Variants in CCDC7 observed in about 807,000 individuals in gnomAD.
The protein encoded by CCDC7 is coiled-coil domain containing 7.
In CCDC7, 183 loss-of-function variants were observed where a neutral mutation model predicts 196.9. That is an observed-to-expected ratio of 0.93 (90% CI 0.82 to 1.05). The LOEUF (loss-of-function observed/expected upper bound fraction) is 1.05, where lower values mean the gene tolerates loss of function less well. Among genes scored for constraint, CCDC7 ranks in the 50% least tolerant of loss-of-function variants. The probability of loss-of-function intolerance (pLI) is 0.00; values close to 1 mark genes in which losing one functional copy is unlikely to be tolerated. For synonymous variants in CCDC7, 525 were observed against 484.6 expected (o/e 1.08, Z -1.10); for missense variants, 1,540 against 1,482.2 (o/e 1.04, Z -0.64).
At chr10:32,622,479 GATAGTAAAGATGTACT>G (rs2063522936) in intron 18 of CCDC7, among the ~76,000 whole-genome samples, 1 of 151,952 alleles carries the variant, frequency 6.6e-6, no homozygotes, top group Non-Finnish European at 1.5e-5. Flanking sequence ...TAACTGCAGT[GATAGTAAAGATGTACT>G]ATGGGGGTGG....
intron 16 of CCDC7, among the ~76,000 whole-genome samples, chr10:32,572,828 C>T (rs2057728257): frequency 6.9e-6 from 1 of 145,296 alleles, no homozygotes; most frequent in South Asian, 2.2e-4. Flanking sequence ...ACTTATGTAT[C>T]ATGTAGAAAT....
intron 31 of CCDC7, among the ~76,000 whole-genome samples, chr10:32,816,399 C>T (rs2088556508): frequency 6.6e-6 from 1 of 152,184 alleles, no homozygotes; most frequent in Non-Finnish European, 1.5e-5. Flanking sequence ...CTGTAGACTC[C>T]ACCTCTGGGG....
At position 32,828,495 on chromosome 10, in the gene CCDC7, GA is replaced by G. The variant is rs56368651; in HGVS notation, c.3268+3893del. ...AGAGGAAGAGGAAGAGGAAGAAGAA[GA>G]AGAAGAAGAAGAAGAAGAAGAAGAA... On this transcript the variant is annotated intron_variant, in intron 32 of 41. Coordinates refer to ENST00000639629, the Ensembl canonical transcript of CCDC7. Among the ~76,000 whole-genome samples, 406 of 94,848 alleles carry G rather than the reference GA, an allele frequency of 4.3e-3. 10 individuals carry two copies. The highest frequency in any genetic ancestry group is 7.0e-3 in the Non-Finnish European group (321 of 45,874). The allele number at this position is 94,848 out of a possible 152,430, so 62.2% of individuals were successfully genotyped here. A position where few individuals can be genotyped will look rare whatever the true frequency, so the allele number is the denominator to read the frequency against.
intron 25 of CCDC7, among the ~76,000 whole-genome samples, chr10:32,716,756 T>C (rs1054228181): frequency 1.3e-5 from 2 of 152,136 alleles, no homozygotes; most frequent in Non-Finnish European, 2.9e-5. Context: ...TCCTAGTCTC[T>C]AATAAAACAG....
At chr10:32,704,075 G>T (rs554433164) in intron 24 of CCDC7, among the ~76,000 whole-genome samples, 1 of 152,088 alleles carries the variant, frequency 6.6e-6, no homozygotes, top group Non-Finnish European at 1.5e-5. Context: ...CGTTCCTTTG[G>T]AGGAGGAGAG....
At chr10:32,775,788 G>GAAATTTTGAAAATTATCATGCTGCTATA (rs879852278) in intron 28 of CCDC7, among the ~76,000 whole-genome samples, 151 of 152,164 alleles carry the variant, frequency 9.9e-4, no homozygotes, top group Middle Eastern at 3.4e-3. Context: ...CAAATATTTT[G>GAAATTTTGAAAATTATCATGCTGCTATA]AAATTTTGAA....
intron 21 of CCDC7, among the ~76,000 whole-genome samples, chr10:32,674,085 AT>A (rs1377539579): frequency 6.9e-5 from 10 of 145,892 alleles, no homozygotes; most frequent in South Asian, 2.2e-4. Flanking sequence ...TTTTTTCTAT[AT>A]TTTTTTCCTA....
chr10:32,741,679 G>T (rs2085877578), intron 28 of CCDC7, among the ~76,000 whole-genome samples: 1 of 151,954 alleles, frequency 6.6e-6, no homozygotes, highest in Non-Finnish European at 1.5e-5. Flanking sequence ...TGAAAAAAAT[G>T]TGTTAGTGAG....
At chr10:32,574,221 A>G (rs543116277) in intron 16 of CCDC7, among the ~76,000 whole-genome samples, 1 of 151,384 alleles carries the variant, frequency 6.6e-6, no homozygotes, top group South Asian at 2.1e-4. Context: ...ACTAAGGACA[A>G]TAATGGGAAA....
At chr10:32,641,444 C>T (rs909755663) in intron 20 of CCDC7, among the ~76,000 whole-genome samples, 6 of 152,186 alleles carry the variant, frequency 3.9e-5, no homozygotes, top group Non-Finnish European at 8.8e-5. Context: ...TTGATCGAAT[C>T]GGCTACTGAG....
In CCDC7 at chr10:32,678,943, G is replaced by A. The variant is rs552897059; in HGVS notation, c.2123-7027G>A. On this transcript the variant is annotated intron_variant, in intron 21 of 41. Transcript: ENST00000639629. The stretch of plus-strand genomic sequence containing the variant: ...AGTCTTCATTTTTGTGGAAGAAAGA[G>A]GGCTGGGCCTCCTATTCCATGATCT... Among the ~76,000 whole-genome samples the A allele has an allele frequency of 3.5e-4, 53 of 152,210 alleles. 2 individuals are homozygous for A. The South Asian group carries it at 0.011, about 31-fold the overall frequency.
intron 26 of CCDC7, 121 bp downstream of exon 27, chr10:32,726,953 C>T: frequency 3.2e-6 from 2 of 616,600 alleles, no homozygotes; most frequent in Non-Finnish European, 5.3e-6. Flanking sequence ...GTAGACTTTG[C>T]CCTGAAGTCT....
intron 18 of CCDC7, among the ~76,000 whole-genome samples, chr10:32,599,437 A>G (rs2060762804): frequency 6.6e-6 from 1 of 152,132 alleles, no homozygotes; most frequent in Admixed American, 6.6e-5. Flanking sequence ...GTTAAGGGGA[A>G]CTTGCTTTTG....
chr10:32,681,882 A>G (rs2075908929), intron 21 of CCDC7, among the ~76,000 whole-genome samples: 1 of 151,914 alleles, frequency 6.6e-6, no homozygotes, highest in Non-Finnish European at 1.5e-5. Flanking sequence ...TCTCTTGGAC[A>G]CCTTAAATTC....
intron 11 of CCDC7, among the ~76,000 whole-genome samples, chr10:32,522,932 G>C (rs932757016): frequency 1.3e-5 from 2 of 151,962 alleles, no homozygotes; most frequent in Non-Finnish European, 2.9e-5. Flanking sequence ...GGTCATTCAG[G>C]AGCATATTTT....
upstream of CCDC7, among the ~76,000 whole-genome samples, chr10:32,450,285 A>G (rs866177084): frequency 1.5e-4 from 23 of 152,196 alleles, no homozygotes; most frequent in African/African-American, 5.1e-4. Flanking sequence ...GCCTGTCGCT[A>G]TATGGTCTTC....
intron 28 of CCDC7, among the ~76,000 whole-genome samples, chr10:32,758,629 C>T (rs1025849869): frequency 1.1e-4 from 17 of 152,140 alleles, no homozygotes; most frequent in South Asian, 4.2e-4. Context: ...GACAAACCCA[C>T]AGCCAATATC....
chr10:32,536,153 G>C (rs553784122), intron 11 of CCDC7, among the ~76,000 whole-genome samples: 1 of 152,128 alleles, frequency 6.6e-6, no homozygotes, highest in Admixed American at 6.5e-5. Flanking sequence ...CTAACTACCC[G>C]TTTGCTTGAG....
At chr10:32,845,407 A>G in intron 34 of CCDC7, 81 bp downstream of exon 35, 4 of 1,233,640 alleles carry the variant, frequency 3.2e-6, no homozygotes, top group Non-Finnish European at 4.6e-6. Flanking sequence ...ACCTTTAATA[A>G]CAAAACTACC....
Sources: gnomAD v4.1 joint callset for allele counts (sites outside exome capture counted in the v4.1 genomes callset) on GRCh38, gnomAD v4.1.1 for gene constraint, MANE v1.5 for transcripts, NCBI Gene and HGNC (gene_info 2026-07-23, HGNC 2026-07-21) for gene names.